Variants in IMPG2 observed in about 807,000 individuals in gnomAD.
The protein encoded by IMPG2 is interphotoreceptor matrix proteoglycan 2, also known as IPM 200.
A neutral mutation model predicts 129.2 loss-of-function variants in IMPG2; 91 were observed. The ratio of observed to expected loss-of-function variants is 0.70; its 90% confidence interval spans 0.59 to 0.84. IMPG2 has a LOEUF of 0.84. Ranked by LOEUF, IMPG2 falls within the 40% of genes least tolerant of loss-of-function variation. IMPG2 has a pLI of 0.00. For synonymous variants in IMPG2, 510 were observed against 517.7 expected (o/e 0.99, Z 0.20); for missense variants, 1,430 against 1,461.7 (o/e 0.98, Z 0.35).
rs1015432699 is a variant in IMPG2 at position 101,225,125 on chromosome 3, T to C, written c.*1844A>G. On this transcript the variant is annotated 3_prime_UTR_variant, in exon 19 of 19. Coordinates refer to ENST00000193391, the MANE Select transcript of IMPG2 (RefSeq NM_016247.4). ...AGTTTACAGTCTTAAACAGAAAACT[T>C]TGAAAGTTTTATAAATAAAACTAAG... 2 of 152,214 alleles carry C rather than the reference T, an allele frequency of 1.3e-5. No homozygotes were observed. Among genetic ancestry groups the C allele is most frequent in the African/African-American group, 4.8e-5 (2 of 41,454 alleles). 9.4% of individuals were successfully genotyped at this position (152,214 alleles called of 1,614,324 possible).
intron 4 of IMPG2, among the ~76,000 whole-genome samples, chr3:101,279,303 A>G (rs189079220): frequency 2.7e-3 from 413 of 152,358 alleles, no homozygotes; most frequent in Non-Finnish European, 3.1e-3. Flanking sequence ...TGATGAGGAA[A>G]CTAATGCTAG....
intron 9 of IMPG2, among the ~76,000 whole-genome samples, chr3:101,264,460 A>G (rs1448255126): frequency 6.6e-6 from 1 of 152,124 alleles, no homozygotes; most frequent in Non-Finnish European, 1.5e-5. Context: ...CCATATGATC[A>G]TCATAATGAT....
chr3:101,319,345 CATT>C (rs1462871313), intron 2 of IMPG2, among the ~76,000 whole-genome samples: 2 of 152,016 alleles, frequency 1.3e-5, no homozygotes, highest in African/African-American at 4.8e-5. Context: ...AAGTGCATGT[CATT>C]ATTAAATGAT....
chr3:101,288,997 T>C (rs868360572), intron 4 of IMPG2, among the ~76,000 whole-genome samples: 2 of 152,170 alleles, frequency 1.3e-5, no homozygotes, highest in South Asian at 2.1e-4. Flanking sequence ...ACACGCTTGG[T>C]GCTAGTTAAT....
intron 7 of IMPG2, among the ~76,000 whole-genome samples, chr3:101,272,016 T>A (rs773555966): frequency 6.6e-6 from 1 of 152,124 alleles, no homozygotes; most frequent in Non-Finnish European, 1.5e-5. Flanking sequence ...CCCAGGCCCA[T>A]CACACTGACC....
intron 5 of IMPG2, 112 bp downstream of exon 5, chr3:101,276,552 G>A: frequency 1.4e-6 from 1 of 730,702 alleles, no homozygotes; most frequent in East Asian, 2.6e-5. Context: ...TATTAAAAAA[G>A]AGAAATCTGA....
intron 3 of IMPG2, among the ~76,000 whole-genome samples, chr3:101,296,232 T>G (rs547126224): frequency 6.6e-6 from 1 of 152,300 alleles, no homozygotes; most frequent in South Asian, 2.1e-4. Context: ...TTTTGAGATA[T>G]AGTCCATCAA....
chr3:101,258,159 T>C (rs1372466374), intron 9 of IMPG2, among the ~76,000 whole-genome samples: 1 of 152,110 alleles, frequency 6.6e-6, no homozygotes, highest in African/African-American at 2.4e-5. Context: ...GTCTTTCTAA[T>C]TCCTCCTCAC....
chr3:101,242,849 A>G lies in IMPG2; in HGVS notation c.2861T>C (p.Phe954Ser). Reference sequence around the variant, plus strand: ...GTTCACCACAATGCTGCCATTTCTGAAGTTGAGGATTTCTAAGTTCTGGAA... The same window carrying G: ...GTTCACCACAATGCTGCCATTTCTGGAGTTGAGGATTTCTAAGTTCTGGAA... ...TGFQNLEILN[F>S]RNGSIVVNSR... The change falls in exon 14 of 19, where the codon TTC becomes TCC. Residue 954 changes from phenylalanine to serine, a missense_variant. Transcript: ENST00000193391. 6.2e-7 allele frequency: 1 copy of G among 1,614,052 alleles called. No homozygotes were observed. The highest frequency in any genetic ancestry group is 8.5e-7 in the Non-Finnish European group (1 of 1,179,948).
chr3:101,276,675 G>A lies in IMPG2; in HGVS notation c.572C>T (p.Ser191Leu). 6.2e-7 allele frequency: 1 copy of A among 1,607,746 alleles called. No individual in the cohort carries two copies. The highest frequency in any genetic ancestry group is 1.1e-5 in the South Asian group (1 of 90,816). ...ACACAAAAGTATACCTCCCAATGTTGAAGTATCACCAACAGGAACTGGAGA... is the reference window on the plus strand; with the variant it reads ...ACACAAAAGTATACCTCCCAATGTTAAAGTATCACCAACAGGAACTGGAGA... ...LSSPVPVGDT[S>L]TLGDTTLSVP... The change falls in exon 5 of 19, where the codon TCA (serine) becomes TTA (leucine). Residue 191 changes from serine to leucine, a missense_variant. By Grantham distance (145) the Ser-to-Leu change is moderately radical. Coordinates refer to ENST00000193391, the MANE Select transcript of IMPG2 (RefSeq NM_016247.4).
chr3:101,304,439 G>T, intron 2 of IMPG2, 127 bp from the exon 3 acceptor site: 1 of 841,604 alleles, frequency 1.2e-6, no homozygotes, highest in Non-Finnish European at 2.0e-6. Context: ...ATGTAGGAAT[G>T]ATTCTCAGTC....
chr3:101,236,240 A>G (rs923076098), intron 14 of IMPG2, among the ~76,000 whole-genome samples: 4 of 152,222 alleles, frequency 2.6e-5, no homozygotes, highest in African/African-American at 9.7e-5. Flanking sequence ...AATGCCCAGA[A>G]ATACTGAGGA....
At chr3:101,231,171 A>G (rs763192653) in intron 15 of IMPG2, 26 bp from the exon 16 acceptor site, 2 of 1,610,072 alleles carry the variant, frequency 1.2e-6, no homozygotes, top group South Asian at 2.2e-5. Context: ...ACCAAGTCCG[A>G]TATCTGAATC....
rs758804876 is a variant in IMPG2, at chr3:101,269,560, A to C, written c.842T>G (p.Phe281Cys). The part of the protein sequence containing the change: ...EEFISEVENA[F>C]TGLPGYKEIR... ...TTCCTTGTAGCCTGGTAACCCAGTA[A>C]ATGCATTTTCAACCTGTTAAAAGTA... The change falls in exon 8 of 19, where the codon TTT becomes TGT. Residue 281 changes from phenylalanine (F) to cysteine (C), a missense_variant. By Grantham distance (205) the Phe-to-Cys change is radical. Transcript: ENST00000193391. 1 of 1,590,568 alleles carries C rather than the reference A, an allele frequency of 6.3e-7. No homozygotes were observed. Among genetic ancestry groups the C allele is most frequent in the South Asian group, 1.1e-5 (1 of 90,428 alleles).
At chr3:101,231,190 C>T (rs532707468) in intron 15 of IMPG2, 45 bp from the exon 16 acceptor site, 8 of 1,573,778 alleles carry the variant, frequency 5.1e-6, no homozygotes, top group Non-Finnish European at 6.1e-6. Flanking sequence ...TCACTCTGCT[C>T]ACACTGACAA....
intron 7 of IMPG2, among the ~76,000 whole-genome samples, chr3:101,273,018 C>A (rs1015650210): frequency 2.6e-5 from 4 of 152,072 alleles, no homozygotes; most frequent in Admixed American, 1.3e-4. Context: ...AGAATTTTCC[C>A]AGAAAGTGAA....
intron 4 of IMPG2, among the ~76,000 whole-genome samples, chr3:101,284,910 C>G (rs1031429123): frequency 1.3e-5 from 2 of 152,084 alleles, no homozygotes; most frequent in Admixed American, 6.6e-5. Flanking sequence ...TGAATTCTTG[C>G]TTTCTAATAA....
intron 2 of IMPG2, among the ~76,000 whole-genome samples, chr3:101,306,183 T>C (rs1183717266): frequency 6.6e-6 from 1 of 152,222 alleles, no homozygotes; most frequent in Non-Finnish European, 1.5e-5. Context: ...TATTATCTTA[T>C]CTGTGAAAGT....
At position 101,245,786 on chromosome 3, in the gene IMPG2, A is replaced by C. The variant is rs373417677; in HGVS notation, c.1543+16T>G. On this transcript the variant is annotated intron_variant, in intron 12 of 18. Transcript: ENST00000193391. ...GGATACAATAAGAAGTACGAAAAGC[A>C]ATTAAAGTTTCTCACCATCTTCTAC... 156 of 1,610,276 alleles carry C rather than the reference A, an allele frequency of 9.7e-5. No homozygotes were observed. Among genetic ancestry groups the C allele is most frequent in the Non-Finnish European group, 1.3e-4 (149 of 1,176,732 alleles).
Sources: gnomAD v4.1 joint callset for allele counts (sites outside exome capture counted in the v4.1 genomes callset) on GRCh38, gnomAD v4.1.1 for gene constraint, MANE v1.5 for transcripts, NCBI Gene and HGNC (gene_info 2026-07-23, HGNC 2026-07-21) for gene names.